The following COL11A1 variants were observed in gnomAD, a reference collection of about 807,000 sequenced individuals.
COL11A1 encodes collagen alpha-1(XI) chain.
Under a neutral mutation model 265.2 loss-of-function variants are expected in COL11A1, and 74 were observed. The observed-to-expected ratio is 0.28, with a 90% confidence interval of 0.23 to 0.34. The LOEUF (loss-of-function observed/expected upper bound fraction) is 0.34, where lower values mean the gene tolerates loss of function less well. COL11A1 is among the 10% of genes least tolerant of loss of function. The probability of loss-of-function intolerance (pLI) is 1.00; values close to 1 mark genes in which losing one functional copy is unlikely to be tolerated. For synonymous variants in COL11A1, 816 were observed against 727.6 expected, an observed-to-expected ratio of 1.12 and a Z score of -1.96; for missense variants, 2,165 against 2,263.6, an observed-to-expected ratio of 0.96 and a Z score of 0.88.
At chr1:102,951,788 G>A (rs1287561476) in intron 41 of COL11A1, among the ~76,000 whole-genome samples, 1 of 151,902 alleles carries the variant, frequency 6.6e-6, no homozygotes, top group Non-Finnish European at 1.5e-5. Context: ...GGCTTCAAAT[G>A]TACACACATG....
intron 57 of COL11A1, among the ~76,000 whole-genome samples, chr1:102,897,377 T>C (rs940846545): frequency 4.6e-5 from 7 of 151,692 alleles, no homozygotes; most frequent in African/African-American, 1.7e-4. Flanking sequence ...GCCATTTTGA[T>C]TAATCACTCC....
intron 2 of COL11A1, 88 bp downstream of exon 2, chr1:103,082,717 T>C (rs1167324877): frequency 6.1e-6 from 7 of 1,155,828 alleles, no homozygotes; most frequent in Non-Finnish European, 8.8e-6. Context: ...TACTAATTAG[T>C]AAAGAAATAC....
intron 1 of COL11A1, among the ~76,000 whole-genome samples, chr1:103,106,471 CG>C (rs1674699536): frequency 6.6e-6 from 1 of 152,126 alleles, no homozygotes; most frequent in Non-Finnish European, 1.5e-5. Flanking sequence ...TCATGTCCCA[CG>C]GTAGACGCAG....
chr1:103,073,544 C>A (rs2102275473), intron 4 of COL11A1, among the ~76,000 whole-genome samples: 1 of 151,720 alleles, frequency 6.6e-6, no homozygotes, highest in South Asian at 2.1e-4. Context: ...CATAATCTAG[C>A]ATGATATGAT....
chr1:103,079,796 G>A (rs1672256734), intron 2 of COL11A1, among the ~76,000 whole-genome samples: 1 of 151,922 alleles, frequency 6.6e-6, no homozygotes, highest in Non-Finnish European at 1.5e-5. Flanking sequence ...ATGTGCATGT[G>A]TAATCAACAA....
At chr1:102,889,834 G>A (rs182155850) in intron 58 of COL11A1, among the ~76,000 whole-genome samples, 2 of 152,154 alleles carry the variant, frequency 1.3e-5, no homozygotes, top group East Asian at 1.9e-4. Context: ...CATTTTAAGT[G>A]TTCCATTTGA....
intron 43 of COL11A1, among the ~76,000 whole-genome samples, chr1:102,939,468 T>C (rs1658494729): frequency 6.6e-6 from 1 of 151,768 alleles, no homozygotes; most frequent in Non-Finnish European, 1.5e-5. Flanking sequence ...TTTTGGGAGG[T>C]TGAGGTGAAA....
chr1:102,889,611 A>T, intron 58 of COL11A1, 49 bp from the exon 59 acceptor site: 1 of 1,313,766 alleles, frequency 7.6e-7, no homozygotes. Context: ...TACTATCTTC[A>T]TAAAATTTTA....
intron 31 of COL11A1, among the ~76,000 whole-genome samples, chr1:102,982,729 A>T (rs1663159585): frequency 1.3e-5 from 2 of 152,194 alleles, no homozygotes; most frequent in Non-Finnish European, 2.9e-5. Flanking sequence ...ACTCAATGAA[A>T]AAATTGTAAG....
chr1:103,026,776 T>A (rs1667556295), intron 5 of COL11A1, among the ~76,000 whole-genome samples: 1 of 151,696 alleles, frequency 6.6e-6, no homozygotes, highest in South Asian at 2.1e-4. Context: ...ATGTAGAGAG[T>A]AGTCTTCCTA....
At chr1:103,019,871 G>A (rs1294088726) in intron 9 of COL11A1, among the ~76,000 whole-genome samples, 1 of 150,756 alleles carries the variant, frequency 6.6e-6, no homozygotes, top group East Asian at 2.0e-4. Flanking sequence ...AGTTTACCGA[G>A]AATGATGGTT....
chr1:103,092,278 G>T (rs1224945308), intron 1 of COL11A1, among the ~76,000 whole-genome samples: 1 of 152,100 alleles, frequency 6.6e-6, no homozygotes, highest in African/African-American at 2.4e-5. Context: ...CATTTTTGGA[G>T]ATTTGTGACA....
At chr1:102,915,483 CA>C (rs1421128006) in intron 50 of COL11A1, 147 bp downstream of exon 50, 6 of 734,314 alleles carry the variant, frequency 8.2e-6, no homozygotes, top group Admixed American at 6.1e-5. Context: ...AGTTATTAAA[CA>C]AGGCTTTGTA....
chr1:102,894,950 T>C (rs1433237187), intron 57 of COL11A1, among the ~76,000 whole-genome samples: 2 of 152,158 alleles, frequency 1.3e-5, no homozygotes, highest in Non-Finnish European at 2.9e-5. Flanking sequence ...CCTTATGTGC[T>C]ATTTGTCAAT....
intron 2 of COL11A1, among the ~76,000 whole-genome samples, chr1:103,082,442 G>A (rs1672490237): frequency 6.6e-6 from 1 of 151,928 alleles, no homozygotes; most frequent in African/African-American, 2.4e-5. Flanking sequence ...CCCCAGTCAC[G>A]ATGAATAAGC....
intron 62 of COL11A1, among the ~76,000 whole-genome samples, chr1:102,888,168 T>C (rs1203943351): frequency 6.6e-6 from 1 of 152,190 alleles, no homozygotes; most frequent in African/African-American, 2.4e-5. Flanking sequence ...TTAGTATTAA[T>C]AAAGTGGTAG....
At chr1:102,918,777 G>A (rs779528655) in intron 49 of COL11A1, among the ~76,000 whole-genome samples, 31 of 152,050 alleles carry the variant, frequency 2.0e-4, no homozygotes, top group Non-Finnish European at 4.0e-4. Flanking sequence ...TTGGCAAAGT[G>A]TTACTATAAT....
chr1:102,996,100 CA>C (rs1664600058), intron 26 of COL11A1, 58 bp from the exon 27 acceptor site: 2 of 1,540,660 alleles, frequency 1.3e-6, no homozygotes, highest in East Asian at 4.5e-5. Context: ...TACTCATTTA[CA>C]TACTATAATT....
In COL11A1 at chr1:102,998,290, A is replaced by G; in HGVS notation, c.2196+20T>C. 6.3e-7 allele frequency: 1 copy of G among 1,598,698 alleles called. No homozygotes were observed. The highest frequency in any genetic ancestry group is 8.6e-7 in the Non-Finnish European group (1 of 1,168,348). On this transcript the variant is annotated intron_variant, in intron 25 of 66. Transcript: ENST00000370096. The stretch of plus-strand genomic sequence containing the variant: ...AAGATAATGTAAAGAAATTTTAATG[A>G]CCAGGTAGCTGTTACTTACAGGAGG...
Sources: gnomAD v4.1 joint callset for allele counts (sites outside exome capture counted in the v4.1 genomes callset) on GRCh38, gnomAD v4.1.1 for gene constraint, MANE v1.5 for transcripts, NCBI Gene and HGNC (gene_info 2026-07-23, HGNC 2026-07-21) for gene names.